PRLR: variants seen among roughly 807,000 people sequenced by gnomAD.
PRLR encodes the protein prolactin receptor.
PRLR carries 13 observed loss-of-function variants against 40.2 expected under a neutral mutation model. The ratio of observed to expected loss-of-function variants is 0.32; its 90% CI spans 0.21 to 0.51. The LOEUF is 0.51. Among genes scored for constraint, PRLR ranks in the 20% least tolerant of loss-of-function variants. PRLR has a pLI of 0.97. For synonymous variants in PRLR, 269 were observed against 278.7 expected (o/e 0.97, Z 0.35); for missense variants, 656 against 747.3 (o/e 0.88, Z 1.42).
At chr5:35,050,476 A>G (rs114992604) in intron 8 of PRLR, among the ~76,000 whole-genome samples, 6,656 of 152,306 alleles carry the variant, frequency 0.044, 209 homozygotes, top group South Asian at 0.13. Flanking sequence ...TCCATTTTAC[A>G]TAAGACTAGA....
chr5:35,152,063 A>G (rs547119658), intron 1 of PRLR, among the ~76,000 whole-genome samples: 32 of 152,338 alleles, frequency 2.1e-4, no homozygotes, highest in Middle Eastern at 3.4e-3. Context: ...TAAGATGAAA[A>G]ATACTATTTT....
chr5:35,081,932 G>T (rs1025442293), intron 5 of PRLR: 1 of 204,452 alleles, frequency 4.9e-6, no homozygotes. Flanking sequence ...CCCATTTCCT[G>T]GTATGACAGT....
At chr5:35,168,748 C>T (rs1774915320) in intron 1 of PRLR, among the ~76,000 whole-genome samples, 1 of 151,882 alleles carries the variant, frequency 6.6e-6, no homozygotes, top group South Asian at 2.1e-4. Flanking sequence ...TTAAATAGCC[C>T]TGGGAAGTTT....
intron 5 of PRLR, among the ~76,000 whole-genome samples, chr5:35,076,785 C>A (rs1770130618): frequency 1.3e-5 from 2 of 152,150 alleles, no homozygotes; most frequent in East Asian, 1.9e-4. Flanking sequence ...ACATTAAGGG[C>A]AGCCAGAGAG....
intron 9 of PRLR, 63 bp from the exon 10 acceptor site, chr5:35,066,165 C>G: frequency 6.8e-7 from 1 of 1,467,646 alleles, no homozygotes; most frequent in Non-Finnish European, 9.3e-7. Context: ...AATCAGCATC[C>G]CTGCTAAGTG....
At chr5:35,120,927 G>A (rs1326576854) in intron 1 of PRLR, among the ~76,000 whole-genome samples, 3 of 152,294 alleles carry the variant, frequency 2.0e-5, no homozygotes, top group East Asian at 1.9e-4. Flanking sequence ...AAAAGCAGCC[G>A]TAGACAACAT....
In PRLR at chr5:35,065,533, C is replaced by T; in HGVS notation, c.1425G>A (p.Gln475=). The T allele has an allele frequency of 6.2e-7, 1 of 1,614,124 alleles. No homozygotes were observed. The highest frequency in any genetic ancestry group is 8.5e-7 in the Non-Finnish European group (1 of 1,180,038). Residue 475 remains glutamine (Q), a synonymous_variant, in exon 10 of 10, where the codon CAG becomes CAA. Transcript: ENST00000618457. ...IKSREEGKAT[Q]QREVESFHSE... ...AATGGAAGCTTTCTACCTCCCTCTG[C>T]TGGGTTGCCTTTCCCTCTTCTCTAG...
chr5:35,085,712 T>C (rs1478505282), intron 4 of PRLR, among the ~76,000 whole-genome samples: 2 of 152,216 alleles, frequency 1.3e-5, no homozygotes, highest in Non-Finnish European at 2.9e-5. Flanking sequence ...GTGACATGTT[T>C]AGTTAAAAAA....
chr5:35,207,220 A>C (rs1373191463), intron 1 of PRLR, among the ~76,000 whole-genome samples: 1 of 152,134 alleles, frequency 6.6e-6, no homozygotes, highest in African/African-American at 2.4e-5. Context: ...CAATTTTTGG[A>C]AGGAGAACAA....
intron 2 of PRLR, among the ~76,000 whole-genome samples, chr5:35,111,935 A>G (rs779670420): frequency 7.2e-5 from 11 of 152,226 alleles, no homozygotes; most frequent in Non-Finnish European, 1.5e-4. Context: ...TCGAGGAGGA[A>G]AATCCCAACA....
At chr5:35,212,463 A>G (rs1394831409) in intron 1 of PRLR, among the ~76,000 whole-genome samples, 1 of 152,238 alleles carries the variant, frequency 6.6e-6, no homozygotes, top group African/African-American at 2.4e-5. Context: ...TGATTTTTAG[A>G]ACATAATACC....
exon 9 of PRLR, chr5:35,049,098 C>G: frequency 1.5e-6 from 1 of 687,696 alleles, no homozygotes; most frequent in Non-Finnish European, 2.7e-6. Flanking sequence ...TTTCCAGCTC[C>G]CAGTCAATTC....
chr5:35,183,718 C>A (rs1775352265), intron 1 of PRLR, among the ~76,000 whole-genome samples: 1 of 152,160 alleles, frequency 6.6e-6, no homozygotes, highest in South Asian at 2.1e-4. Flanking sequence ...CCTGTTAGAT[C>A]ATTTGTGGTT....
chr5:35,176,983 C>A (rs2111964692), intron 1 of PRLR, among the ~76,000 whole-genome samples: 1 of 152,246 alleles, frequency 6.6e-6, no homozygotes, highest in East Asian at 1.9e-4. Flanking sequence ...GGAGGTGGGA[C>A]CTGCGGGCAG....
At chr5:35,108,874 T>C (rs1488938678) in intron 2 of PRLR, among the ~76,000 whole-genome samples, 1 of 152,188 alleles carries the variant, frequency 6.6e-6, no homozygotes, top group Non-Finnish European at 1.5e-5. Context: ...ACTTTAAAGT[T>C]CATAAGGAAC....
At chr5:35,115,439 T>A (rs1425270287) in intron 2 of PRLR, among the ~76,000 whole-genome samples, 2 of 152,152 alleles carry the variant, frequency 1.3e-5, no homozygotes, top group Non-Finnish European at 2.9e-5. Flanking sequence ...ATGATAGGAA[T>A]TTGAGAAACT....
At chr5:35,171,383 A>G (rs1229711182) in intron 1 of PRLR, among the ~76,000 whole-genome samples, 1 of 152,180 alleles carries the variant, frequency 6.6e-6, no homozygotes, top group Non-Finnish European at 1.5e-5. Flanking sequence ...GAGCCTGCCC[A>G]GCAAGTTGTG....
At chr5:35,095,569 C>G (rs770634221) in intron 2 of PRLR, among the ~76,000 whole-genome samples, 1 of 152,224 alleles carries the variant, frequency 6.6e-6, no homozygotes, top group South Asian at 2.1e-4. Flanking sequence ...TGTTCTTGCT[C>G]TGCCAATAAT....
In PRLR at chr5:35,089,580, A is replaced by T. The variant is rs767557609; in HGVS notation, c.41T>A (p.Leu14Gln). 1.9e-6 allele frequency: 3 copies of T among 1,613,842 alleles called. No individual in the cohort carries two copies. The South Asian group carries it at 3.3e-5, about 18-fold the overall frequency. ...NVASATVFTL[L>Q]LFLNTCLLNG... ...CAGAAGGCAGGTGTTGAGAAAAAGTAGCAGAGTGAAAACGGTTGCAGATGC... is the reference window on the plus strand; with the variant it reads ...CAGAAGGCAGGTGTTGAGAAAAAGTTGCAGAGTGAAAACGGTTGCAGATGC... Residue 14 changes from leucine (L) to glutamine (Q), a missense_variant, in exon 3 of 10, where the codon CTA becomes CAA. Leu to Gln is a moderately radical substitution (Grantham distance 113). Coordinates refer to ENST00000618457, the MANE Select transcript of PRLR (RefSeq NM_000949.7).
Sources: gnomAD v4.1 joint callset for allele counts (sites outside exome capture counted in the v4.1 genomes callset) on GRCh38, gnomAD v4.1.1 for gene constraint, MANE v1.5 for transcripts, NCBI Gene and HGNC (gene_info 2026-07-23, HGNC 2026-07-21) for gene names.